The following SNAP91 variants were observed in gnomAD, a reference collection of about 807,000 sequenced individuals.
SNAP91 encodes synaptosome associated protein 91, also known as clathrin coat assembly protein AP180.
In SNAP91, 27 loss-of-function variants were observed where a neutral mutation model predicts 100.3. That is an observed-to-expected ratio of 0.27 (90% confidence interval 0.20 to 0.37). The LOEUF is 0.37. SNAP91 is among the 10% of genes least tolerant of loss of function. The pLI is 1.00. For missense variants in SNAP91, 986 were observed against 1,123.7 expected (o/e 0.88, Z 1.75); for synonymous variants, 404 against 398.6 (o/e 1.01, Z -0.16).
intron 2 of SNAP91, chr6:83,678,714 A>G: frequency 7.8e-7 from 1 of 1,275,836 alleles, no homozygotes; most frequent in African/African-American, 1.5e-5. Context: ...CTCCTCCCCT[A>G]TTGAGAATCC....
intron 9 of SNAP91, among the ~76,000 whole-genome samples, chr6:83,618,739 T>C (rs2096597258): frequency 6.6e-6 from 1 of 151,928 alleles, no homozygotes; most frequent in Non-Finnish European, 1.5e-5. Flanking sequence ...TCTGGGCATA[T>C]AAACTTTTCA....
At chr6:83,708,169 C>T (rs1406678837) in intron 1 of SNAP91, 4 of 464,506 alleles carry the variant, frequency 8.6e-6, no homozygotes, top group Non-Finnish European at 1.5e-5. Context: ...GGAACCCCAG[C>T]GTGGGCTCCA....
chr6:83,652,211 T>C (rs529835664), intron 7 of SNAP91, among the ~76,000 whole-genome samples: 1 of 152,166 alleles, frequency 6.6e-6, no homozygotes, highest in Non-Finnish European at 1.5e-5. Flanking sequence ...ATTTTTGGTA[T>C]AGCTGGATTA....
intron 2 of SNAP91, among the ~76,000 whole-genome samples, chr6:83,686,457 C>A (rs2099061952): frequency 6.6e-6 from 1 of 152,174 alleles, no homozygotes; most frequent in Non-Finnish European, 1.5e-5. Flanking sequence ...GGAAGAGTCT[C>A]TTTTGTTCAA....
In SNAP91 at chr6:83,707,963, G is replaced by A. The variant is rs1229731347; in HGVS notation, c.-30-6C>T. On this transcript the variant is annotated splice_region_variant and splice_polypyrimidine_tract_variant and intron_variant, in intron 1 of 29. Coordinates refer to ENST00000369694, the MANE Select transcript of SNAP91 (RefSeq NM_001242792.2). ...CGCGTCTACCGCCTCCTCTTCTGCAGGAAACAAGGGGAGACGGTCCGGCTT... is the reference window on the plus strand; with the variant it reads ...CGCGTCTACCGCCTCCTCTTCTGCAAGAAACAAGGGGAGACGGTCCGGCTT... 1.9e-6 allele frequency: 3 copies of A among 1,544,230 alleles called. No homozygotes were observed. The highest frequency in any genetic ancestry group is 1.7e-6 in the Non-Finnish European group (2 of 1,155,688).
intron 2 of SNAP91, among the ~76,000 whole-genome samples, chr6:83,702,501 G>A (rs1295017388): frequency 6.6e-6 from 1 of 152,118 alleles, no homozygotes; most frequent in African/African-American, 2.4e-5. Flanking sequence ...TACAACTAAT[G>A]TGGCAATATA....
chr6:83,577,987 T>C (rs576442336), intron 24 of SNAP91, among the ~76,000 whole-genome samples: 101 of 152,318 alleles, frequency 6.6e-4, no homozygotes, highest in Middle Eastern at 3.4e-3. Flanking sequence ...CATAGTCTTT[T>C]GCGACCGACT....
At chr6:83,611,722 A>T (rs1583675126) in intron 11 of SNAP91, among the ~76,000 whole-genome samples, 1 of 151,128 alleles carries the variant, frequency 6.6e-6, no homozygotes, top group East Asian at 1.9e-4. Flanking sequence ...TTTGAGACGG[A>T]GTCTCACTCT....
chr6:83,708,521 C>T (rs2099412538), intron 1 of SNAP91: 2 of 152,498 alleles, frequency 1.3e-5, no homozygotes, highest in Non-Finnish European at 2.9e-5. Flanking sequence ...CATGTTATGC[C>T]CTCGCCTCCC....
intron 29 of SNAP91, 43 bp downstream of exon 29, chr6:83,556,100 G>A (rs948927847): frequency 3.4e-5 from 37 of 1,081,820 alleles, no homozygotes; most frequent in Non-Finnish European, 4.6e-5. Context: ...GCATTGTATA[G>A]CTCATTATTA....
rs79449850 is a variant in SNAP91, at chr6:83,586,749, A to C, written c.2015-4393T>G. Among the ~76,000 whole-genome samples the C allele has an allele frequency of 8.1e-3, 1,238 of 152,236 alleles. 17 individuals are homozygous for C. The highest frequency in any genetic ancestry group is 0.028 in the African/African-American group (1,149 of 41,534). ...GGATAATATCTGTATCCTACCAGTA[A>C]TCTCAATGGCTTGGAAAGAATTACT... On this transcript the variant is annotated intron_variant, in intron 22 of 29. Transcript: ENST00000369694.
chr6:83,655,487 C>A (rs955716145), intron 7 of SNAP91, among the ~76,000 whole-genome samples: 3 of 152,140 alleles, frequency 2.0e-5, no homozygotes, highest in Admixed American at 2.0e-4. Flanking sequence ...CCAATACAGG[C>A]CTCCAGTGCT....
At chr6:83,640,844 A>T (rs1286913278) in intron 8 of SNAP91, among the ~76,000 whole-genome samples, 1 of 152,142 alleles carries the variant, frequency 6.6e-6, no homozygotes, top group Non-Finnish European at 1.5e-5. Flanking sequence ...AAATGAGCTT[A>T]TTATCCATGA....
chr6:83,667,708 A>G lies in SNAP91; in HGVS notation c.131-2127T>C, dbSNP rs185428745. Among the ~76,000 whole-genome samples, 444 of 152,216 alleles carry G rather than the reference A, an allele frequency of 2.9e-3. 2 individuals carry two copies. Among genetic ancestry groups the G allele is most frequent in the African/African-American group, 0.01 (427 of 41,560 alleles). On this transcript the variant is annotated intron_variant, in intron 2 of 29. Transcript: ENST00000369694. ...ACGTGCAGGTTTGTTACATACGTAT[A>G]TATGTGCCATGTTGGTGTGCTGCAC...
At chr6:83,707,536 C>CGTGTGTGTGTGTGTGT (rs70987765) in intron 2 of SNAP91, among the ~76,000 whole-genome samples, 12 of 148,958 alleles carry the variant, frequency 8.1e-5, no homozygotes, top group African/African-American at 2.7e-4. Flanking sequence ...TATACATATG[C>CGTGTGTGTGTGTGTGT]GTGTGTGTGT....
At chr6:83,665,369 T>G in intron 3 of SNAP91, 70 bp downstream of exon 3, 1 of 1,471,008 alleles carries the variant, frequency 6.8e-7, no homozygotes. Context: ...CAAAGAGCCT[T>G]AAATCATCAC....
At chr6:83,607,329 TTGTGTGTGTG>T (rs61335064) in intron 13 of SNAP91, among the ~76,000 whole-genome samples, 23 of 144,888 alleles carry the variant, frequency 1.6e-4, no homozygotes, top group South Asian at 6.8e-4. Context: ...CCAAGTTGGG[TTGTGTGTGTG>T]TGTGTGTGTG....
intron 24 of SNAP91, among the ~76,000 whole-genome samples, chr6:83,577,257 ATATT>A (rs1444503933): frequency 4.6e-5 from 7 of 152,194 alleles, no homozygotes; most frequent in Non-Finnish European, 1.0e-4. Flanking sequence ...GATGAAGTTA[ATATT>A]TATTTCTTAC....
At position 83,560,722 on chromosome 6, in the gene SNAP91, G is replaced by A. The variant is rs559749813; in HGVS notation, c.2526+142C>T. On this transcript the variant is annotated intron_variant, in intron 27 of 29. Transcript: ENST00000369694. ...TCACTTCATGTGTAGACTACCTAAGGTTTAAAGCAGATGACAACTTTTTAA... is the reference window on the plus strand; with the variant it reads ...TCACTTCATGTGTAGACTACCTAAGATTTAAAGCAGATGACAACTTTTTAA... The A allele has an allele frequency of 9.9e-6, 7 of 706,876 alleles. No individual in the cohort carries two copies. In the East Asian group the frequency reaches 1.9e-4, roughly 19 times the overall value. The allele number at this position is 706,876 out of a possible 1,614,324, so 43.8% of individuals were successfully genotyped here. A position where few individuals can be genotyped will look rare whatever the true frequency, so the allele number is the denominator to read the frequency against.
Sources: allele counts gnomAD v4.1 joint callset (sites outside exome capture counted in the v4.1 genomes callset), GRCh38; gene constraint gnomAD v4.1.1; transcripts MANE v1.5; gene names NCBI Gene and HGNC (gene_info 2026-07-23, HGNC 2026-07-21).